SEMA5B: variants seen among roughly 807,000 people sequenced by gnomAD.
The protein encoded by SEMA5B is semaphorin-5B.
Under a neutral mutation model 135.0 loss-of-function variants are expected in SEMA5B, and 66 were observed. The ratio of observed to expected loss-of-function variants is 0.49; its 90% CI spans 0.40 to 0.60. The LOEUF (loss-of-function observed/expected upper bound fraction) is 0.60. Among genes scored for constraint, SEMA5B ranks in the 20% least tolerant of loss-of-function variants. The pLI, the probability that SEMA5B is intolerant of heterozygous loss-of-function variation, is 0.00. For synonymous variants in SEMA5B, 690 were observed against 639.5 expected, an observed-to-expected ratio of 1.08 and a Z score of -1.19; for missense variants, 1,501 against 1,566.3, an observed-to-expected ratio of 0.96 and a Z score of 0.70.
intron 6 of SEMA5B, 106 bp from the exon 7 acceptor site, chr3:122,928,721 C>A: frequency 1.1e-6 from 1 of 880,370 alleles, no homozygotes. Context: ...ATTCTAAACA[C>A]TCCCCTTGAC....
At chr3:122,996,976 A>T (rs1942035718) in intron 1 of SEMA5B, among the ~76,000 whole-genome samples, 1 of 152,132 alleles carries the variant, frequency 6.6e-6, no homozygotes, top group African/African-American at 2.4e-5. Flanking sequence ...TTTACTTGCC[A>T]TTCCCACACG....
chr3:122,957,167 A>G (rs908988801), intron 2 of SEMA5B, among the ~76,000 whole-genome samples: 13 of 152,224 alleles, frequency 8.5e-5, no homozygotes, highest in Admixed American at 2.0e-4. Flanking sequence ...ATTTGTGGAT[A>G]GTTTGGGACA....
At chr3:122,938,775 A>G (rs1939419255) in intron 5 of SEMA5B, among the ~76,000 whole-genome samples, 1 of 152,208 alleles carries the variant, frequency 6.6e-6, no homozygotes, top group African/African-American at 2.4e-5. Context: ...TTTCTCTACA[A>G]TATTCAGCCT....
intron 1 of SEMA5B, among the ~76,000 whole-genome samples, chr3:122,971,667 G>C (rs1342116793): frequency 1.3e-5 from 2 of 152,262 alleles, no homozygotes; most frequent in Non-Finnish European, 2.9e-5. Context: ...CAGTGGGGAA[G>C]GTGTTCACAC....
intron 20 of SEMA5B, among the ~76,000 whole-genome samples, 166 bp downstream of exon 20, chr3:122,911,754 C>T (rs764474873): frequency 2.2e-4 from 33 of 152,246 alleles, no homozygotes; most frequent in Non-Finnish European, 2.9e-5. Flanking sequence ...CAAATGTGTG[C>T]ATGGAGGCAA....
At chr3:122,985,397 T>C (rs1941667624) in intron 1 of SEMA5B, among the ~76,000 whole-genome samples, 1 of 151,872 alleles carries the variant, frequency 6.6e-6, no homozygotes, top group East Asian at 1.9e-4. Context: ...AGCTACTCTG[T>C]CCTAGCTGAA....
In SEMA5B at chr3:122,926,557, T is replaced by C; in HGVS notation, c.971A>G (p.Asn324Ser). 6.2e-7 allele frequency: 1 copy of C among 1,614,248 alleles called. No individual in the cohort carries two copies. The highest frequency in any genetic ancestry group is 8.5e-7 in the Non-Finnish European group (1 of 1,180,046). ...VYSRVARVCK[N>S]DVGGRFLLED... is the part of the protein sequence containing the mutation. ...CAGCAGGAATCGGCCCCCCACGTCA[T>C]TCTTGCACACGCGGGCCACGCGAGA... Residue 324 changes from asparagine to serine, a missense_variant, in exon 9 of 23, where the codon AAT becomes AGT. Around this residue, in one of 2 missense-constraint regions of SEMA5B, gnomAD observed 574 missense variants for 684.7 expected, o/e 0.84. Transcript: ENST00000357599.
In SEMA5B at chr3:123,021,721, A is replaced by G. The variant is rs372568585; in HGVS notation, c.-39+5743T>C. On this transcript the variant is annotated intron_variant, in intron 1 of 22. Transcript: ENST00000357599. ...CGGGCTTACATCAGCTCTGGCAGGG[A>G]ACGAAACTGCGGACAGAACTGCGGT... 1.8e-3 allele frequency among the ~76,000 whole-genome samples: 273 copies of G among 152,316 alleles called. 1 individual carries two copies. Among genetic ancestry groups the G allele is most frequent in the African/African-American group, 6.3e-3 (260 of 41,562 alleles).
chr3:122,947,096 T>C lies in SEMA5B; in HGVS notation c.328+1410A>G, dbSNP rs72970532. On this transcript the variant is annotated intron_variant, in intron 3 of 22. Coordinates refer to ENST00000357599, the MANE Select transcript of SEMA5B (RefSeq NM_001031702.4). ...CCAACAAAGCCCCTGGGAGGAAATG[T>C]TTCATTAGGAGCTGCCACAGAGGCC... Among the ~76,000 whole-genome samples the C allele has an allele frequency of 8.9e-3, 1,355 of 151,792 alleles. 16 individuals carry two copies. Among genetic ancestry groups the C allele is most frequent in the African/African-American group, 0.031 (1,288 of 41,352 alleles).
chr3:122,917,606 C>T (rs767096489), intron 12 of SEMA5B, among the ~76,000 whole-genome samples: 7 of 152,096 alleles, frequency 4.6e-5, no homozygotes, highest in Non-Finnish European at 2.9e-5. Flanking sequence ...TGGGGCTTCT[C>T]CTTGTCAGCA....
intron 1 of SEMA5B, among the ~76,000 whole-genome samples, chr3:122,985,714 T>C (rs1941677014): frequency 6.6e-6 from 1 of 151,976 alleles, no homozygotes; most frequent in South Asian, 2.1e-4. Context: ...CGGGAGGAGG[T>C]GTGAGCTCGG....
At chr3:122,966,857 CTATTACTATTATTATTATTAT>C (rs1308217151) in intron 1 of SEMA5B, among the ~76,000 whole-genome samples, 4 of 88,200 alleles carry the variant, frequency 4.5e-5, no homozygotes, top group African/African-American at 7.2e-5. Flanking sequence ...CACACCCGGC[CTATTACTATTATTATTATTAT>C]TATTATTATT....
Position 122,913,918 on chromosome 3 carries a change from C to A in SEMA5B, c.2072G>T (p.Cys691Phe), listed in dbSNP as rs1403879140. The change falls in exon 15 of 23, where the codon TGC (cysteine) becomes TTC (phenylalanine). Residue 691 changes from cysteine (C) to phenylalanine (F), a missense_variant. Physicochemically the swap from Cys to Phe is radical, Grantham distance 205 (BLOSUM62 -2). Coordinates refer to ENST00000357599, the MANE Select transcript of SEMA5B (RefSeq NM_001031702.4). ...GIGFQVRQRSCSNPAPRHGGR... is the reference protein window; with the variant it reads ...GIGFQVRQRSFSNPAPRHGGR... Reference sequence around the variant, plus strand: ...CCCGTGGCGGGGAGCAGGGTTGCTGCAACTTCGCTGGCGGACCTGGAAGCC... The same window carrying A: ...CCCGTGGCGGGGAGCAGGGTTGCTGAAACTTCGCTGGCGGACCTGGAAGCC... The A allele has an allele frequency of 1.9e-6, 3 of 1,612,696 alleles. No homozygotes were observed. The highest frequency in any genetic ancestry group is 2.5e-6 in the Non-Finnish European group (3 of 1,179,912).
chr3:122,970,656 A>G (rs1941072330), intron 1 of SEMA5B, among the ~76,000 whole-genome samples: 1 of 152,212 alleles, frequency 6.6e-6, no homozygotes, highest in South Asian at 2.1e-4. Flanking sequence ...AATGGCAAAT[A>G]TTTCATGAAC....
intron 1 of SEMA5B, among the ~76,000 whole-genome samples, chr3:123,004,146 G>A (rs112548688): frequency 4.6e-5 from 7 of 152,214 alleles, no homozygotes; most frequent in African/African-American, 7.2e-5. Flanking sequence ...CTGTTACTCC[G>A]GGAGGAGGTG....
chr3:122,946,568 A>G (rs936944139), intron 3 of SEMA5B, among the ~76,000 whole-genome samples: 2 of 152,094 alleles, frequency 1.3e-5, no homozygotes, highest in Non-Finnish European at 2.9e-5. Context: ...TTGAGTCCCT[A>G]CTGTGTGCTC....
At chr3:122,948,867 T>G in intron 2 of SEMA5B, among the ~76,000 whole-genome samples, 158 bp from the exon 3 acceptor site, 1 of 152,252 alleles carries the variant, frequency 6.6e-6, no homozygotes, top group East Asian at 1.9e-4. Context: ...AATGCGAAGA[T>G]ATAGATCACT....
At chr3:123,004,086 A>C (rs140900135) in intron 1 of SEMA5B, among the ~76,000 whole-genome samples, 92 of 152,262 alleles carry the variant, frequency 6.0e-4, no homozygotes, top group Non-Finnish European at 1.1e-3. Flanking sequence ...CAGCATACGT[A>C]CCCTTAAACC....
chr3:122,976,151 C>T (rs1444404786), intron 1 of SEMA5B: 1 of 1,534,722 alleles, frequency 6.5e-7, no homozygotes. Context: ...ATCACTTCCT[C>T]ACCCTGTGTT....
Sources: allele counts gnomAD v4.1 joint callset (sites outside exome capture counted in the v4.1 genomes callset), GRCh38; gene constraint gnomAD v4.1.1; regional missense constraint gnomAD v4.1.1; transcripts MANE v1.5; gene names NCBI Gene and HGNC (gene_info 2026-07-23, HGNC 2026-07-21).